Variants in SF3B3 observed in about 807,000 individuals in gnomAD.
SF3B3 encodes the protein SAP 130.
A neutral mutation model predicts 139.2 loss-of-function variants in SF3B3; 33 were observed. That is an observed-to-expected ratio of 0.24 (90% confidence interval 0.18 to 0.32). The LOEUF is 0.32. SF3B3 is among the 10% of genes least tolerant of loss of function. The pLI is 1.00. For synonymous variants in SF3B3, 596 were observed against 563.6 expected (o/e 1.06, Z -0.81); for missense variants, 818 against 1,509.4 (o/e 0.54, Z 7.59).
chr16:70,548,912 T>A (rs2050294444), intron 11 of SF3B3, among the ~76,000 whole-genome samples: 2 of 152,118 alleles, frequency 1.3e-5, no homozygotes, highest in South Asian at 4.1e-4. Context: ...GAAAGCAGAG[T>A]GGAATTGAGT....
chr16:70,524,164 T>C (rs2050023125), intron 1 of SF3B3: 1 of 295,904 alleles, frequency 3.4e-6, no homozygotes. Flanking sequence ...TGGAGATTGC[T>C]TTTAACTTCT....
chr16:70,560,613 C>A (rs745850260), intron 16 of SF3B3, 22 bp downstream of exon 16: 1 of 1,610,954 alleles, frequency 6.2e-7, no homozygotes, highest in South Asian at 1.1e-5. Flanking sequence ...AGGTTGGGGA[C>A]AGGCAACATC....
chr16:70,541,855 C>A, intron 9 of SF3B3, 21 bp downstream of exon 9: 1 of 1,605,218 alleles, frequency 6.2e-7, no homozygotes, highest in Non-Finnish European at 8.5e-7. Flanking sequence ...CTTTCCAGCC[C>A]CTTCCACAAT....
In SF3B3 at chr16:70,557,044, G is replaced by A. The variant is rs907322079; in HGVS notation, c.2010+15G>A. The A allele has an allele frequency of 3.1e-6, 5 of 1,590,734 alleles. No individual in the cohort carries two copies. Among genetic ancestry groups the A allele is most frequent in the Non-Finnish European group, 3.4e-6 (4 of 1,171,184 alleles). On this transcript the variant is annotated intron_variant, in intron 15 of 25. Transcript: ENST00000302516. ...TTGGGCTACAGGTAAGAGATCCAGAGGCCCACATTGTGGACATTAGGCCTT... is the reference window on the plus strand; with the variant it reads ...TTGGGCTACAGGTAAGAGATCCAGAAGCCCACATTGTGGACATTAGGCCTT...
intron 5 of SF3B3, 96 bp from the exon 6 acceptor site, chr16:70,535,212 C>A: frequency 1.7e-6 from 1 of 592,624 alleles, no homozygotes; most frequent in South Asian, 2.6e-5. Context: ...AGGCACATTA[C>A]CATCATCAAG....
Position 70,565,139 on chromosome 16 carries a change from C to T in SF3B3, c.2538C>T (p.Asn846=). ...AEMAAAFLNE[N]LPESIFGAPK... ...TGGCAGCAGCATTCCTCAATGAAAA[C>T]CTCCCTGAATCCATCTTTGGAGCTC... The change falls in exon 19 of 26, where the codon AAC becomes AAT. Residue 846 remains asparagine, a synonymous_variant. Coordinates refer to ENST00000302516, the MANE Select transcript of SF3B3 (RefSeq NM_012426.5). The T allele has an allele frequency of 6.2e-7, 1 of 1,614,134 alleles. No individual in the cohort carries two copies.
At position 70,571,768 on chromosome 16, in the gene SF3B3, A is replaced by G. The variant is rs1342960871; in HGVS notation, c.3609A>G (p.Glu1203=). Residue 1203 remains glutamate, a synonymous_variant, in exon 26 of 26, where the codon GAA becomes GAG. Coordinates refer to ENST00000302516, the MANE Select transcript of SF3B3 (RefSeq NM_012426.5). ...VSEELDRTPP[E]VSKKLEDIRT... Reference sequence around the variant, plus strand: ...AAGAACTGGACCGAACCCCACCCGAAGTGTCCAAGAAACTCGAGGATATCC... The same window carrying G: ...AAGAACTGGACCGAACCCCACCCGAGGTGTCCAAGAAACTCGAGGATATCC... The G allele has an allele frequency of 6.2e-7, 1 of 1,614,102 alleles. No individual in the cohort carries two copies. The highest frequency in any genetic ancestry group is 8.5e-7 in the Non-Finnish European group (1 of 1,179,996).
chr16:70,568,146 G>T, intron 21 of SF3B3, 137 bp from the exon 22 acceptor site: 1 of 698,570 alleles, frequency 1.4e-6, no homozygotes, highest in Non-Finnish European at 2.6e-6. Flanking sequence ...TTCCCACCTA[G>T]AATTCATTGC....
In SF3B3 at chr16:70,565,506, A is replaced by G. The variant is rs1162136390; in HGVS notation, c.2808A>G (p.Lys936=). ...ACAAGCTTGTGAACAATGGGGAAAA[A>G]CTGGAGTTTTTGCACAAGGTAGGAA... The part of the protein sequence containing the change: ...YTYKLVNNGE[K]LEFLHKTPVE... The change falls in exon 20 of 26, where the codon AAA becomes AAG. Residue 936 remains lysine (K), a synonymous_variant. Coordinates refer to ENST00000302516, the MANE Select transcript of SF3B3 (RefSeq NM_012426.5). The G allele has an allele frequency of 6.2e-7, 1 of 1,613,596 alleles. No individual in the cohort carries two copies. Among genetic ancestry groups the G allele is most frequent in the African/African-American group, 1.3e-5 (1 of 74,856 alleles).
intron 10 of SF3B3, 139 bp downstream of exon 10, chr16:70,544,672 G>C: frequency 1.6e-6 from 1 of 608,430 alleles, no homozygotes; most frequent in Non-Finnish European, 2.9e-6. Flanking sequence ...TGACTTCCCC[G>C]AAGTTTATAC....
In SF3B3 at chr16:70,561,060, G is replaced by A. The variant is rs199695676; in HGVS notation, c.2133+469G>A. On this transcript the variant is annotated intron_variant, in intron 16 of 25. Coordinates refer to ENST00000302516, the MANE Select transcript of SF3B3 (RefSeq NM_012426.5). Reference sequence around the variant, plus strand: ...TTTTGAGATGGAGTCTCACTCTGTCGCCCAGGCTGGAATGTAGTGGTGCAA... The same window carrying A: ...TTTTGAGATGGAGTCTCACTCTGTCACCCAGGCTGGAATGTAGTGGTGCAA... Among the ~76,000 whole-genome samples, 4 of 151,658 alleles carry A rather than the reference G, an allele frequency of 2.6e-5. No homozygotes were observed. In the East Asian group the frequency reaches 5.8e-4, roughly 22 times the overall value.
chr16:70,540,383 G>T (rs972989740), intron 8 of SF3B3, among the ~76,000 whole-genome samples: 2 of 151,120 alleles, frequency 1.3e-5, no homozygotes, highest in Non-Finnish European at 2.9e-5. Flanking sequence ...GCTTTTTGGG[G>T]TTTTTTTTGG....
In SF3B3 at chr16:70,572,823, A is replaced by C. The variant is rs1363104100; in HGVS notation, c.*1010A>C. 1 of 152,250 alleles carries C rather than the reference A, an allele frequency of 6.6e-6. No individual in the cohort carries two copies. The highest frequency in any genetic ancestry group is 1.5e-5 in the Non-Finnish European group (1 of 68,108). The allele number at this position is 152,250 out of a possible 1,614,324, so 9.4% of individuals were successfully genotyped here. ...GTATAATGAGAGCCTGTTAGGTGGA[A>C]GAGGCCCAGTTCCAGAAATGTTCCA... On this transcript the variant is annotated 3_prime_UTR_variant, in exon 26 of 26. Transcript: ENST00000302516.
At chr16:70,539,850 C>T (rs928132091) in intron 8 of SF3B3, among the ~76,000 whole-genome samples, 1 of 148,360 alleles carries the variant, frequency 6.7e-6, no homozygotes, top group Non-Finnish European at 1.5e-5. Context: ...GATCTCGGCT[C>T]ACCGCAACCT....
At chr16:70,531,503 C>G (rs1488987496) in intron 4 of SF3B3, among the ~76,000 whole-genome samples, 1 of 152,040 alleles carries the variant, frequency 6.6e-6, no homozygotes, top group East Asian at 1.9e-4. Context: ...TCTTCTGACC[C>G]CAGGTGATTG....
rs2050581103 is a variant in SF3B3 at position 70,576,424 on chromosome 16, C to T, written c.*4611C>T. The T allele has an allele frequency of 6.6e-6, 1 of 152,064 alleles. No homozygotes were observed. The highest frequency in any genetic ancestry group is 2.1e-4 in the South Asian group (1 of 4,824). 9.4% of individuals were successfully genotyped at this position (152,064 alleles called of 1,614,324 possible). ...CAAGTTTTAAATTCCCAGGTCCACT[C>T]AGCAGAACTTGCTCCCTTCTCTGAC... On this transcript the variant is annotated 3_prime_UTR_variant, in exon 26 of 26. Transcript: ENST00000302516.
At chr16:70,567,375 T>C in intron 20 of SF3B3, 36 bp from the exon 21 acceptor site, 1 of 1,588,448 alleles carries the variant, frequency 6.3e-7, no homozygotes, top group East Asian at 2.3e-5. Context: ...CTGGCTGGCA[T>C]TTATAATAGC....
In SF3B3 at chr16:70,569,120, G is replaced by A. The variant is rs924429924; in HGVS notation, c.3243G>A (p.Leu1081=). Reference sequence around the variant, plus strand: ...ACAAAGCCCTGTGGGACCGTGGCTTGCTCAATGGGGCCTCCCAGAAGGTAA... The same window carrying A: ...ACAAAGCCCTGTGGGACCGTGGCTTACTCAATGGGGCCTCCCAGAAGGTAA... ...TGNKALWDRG[L]LNGASQKAEV... is the part of the protein sequence containing the mutation. Residue 1081 remains leucine, a synonymous_variant, in exon 23 of 26, where the codon TTG becomes TTA. Transcript: ENST00000302516. 1 of 1,610,438 alleles carries A rather than the reference G, an allele frequency of 6.2e-7. No homozygotes were observed. The highest frequency in any genetic ancestry group is 1.3e-5 in the African/African-American group (1 of 75,020).
At chr16:70,570,440 C>T (rs1292203980) in intron 24 of SF3B3, among the ~76,000 whole-genome samples, 1 of 149,462 alleles carries the variant, frequency 6.7e-6, no homozygotes, top group African/African-American at 2.5e-5. Flanking sequence ...ACGCCATTCT[C>T]CTGCCTCAGC....
Sources: allele counts gnomAD v4.1 joint callset (sites outside exome capture counted in the v4.1 genomes callset), GRCh38; gene constraint gnomAD v4.1.1; transcripts MANE v1.5; gene names NCBI Gene and HGNC (gene_info 2026-07-23, HGNC 2026-07-21).